Variants in PINX1 observed in about 807,000 individuals in gnomAD.
The protein encoded by PINX1 is PIN2/TERF1-interacting telomerase inhibitor 1.
In PINX1, 34 loss-of-function variants were observed where a neutral mutation model predicts 25.4. The observed-to-expected ratio is 1.34, with a 90% CI of 1.02 to 1.78. The LOEUF is 1.78. Ranked by LOEUF, PINX1 falls within the 40% of genes most tolerant of loss-of-function variation. The pLI is 0.00. For missense variants in PINX1, 592 were observed against 404.9 expected (o/e 1.46, Z -3.97); for synonymous variants, 197 against 147.7 (o/e 1.33, Z -2.42).
intron 6 of PINX1, among the ~76,000 whole-genome samples, chr8:10,802,697 G>A (rs188438003): frequency 2.6e-4 from 39 of 152,262 alleles, no homozygotes; most frequent in Non-Finnish European, 4.4e-4. Context: ...CCTCACTTCG[G>A]TCCCATGGGA....
chr8:10,795,413 C>G (rs1344387479), intron 6 of PINX1, among the ~76,000 whole-genome samples: 2 of 152,222 alleles, frequency 1.3e-5, no homozygotes, highest in East Asian at 1.9e-4. Flanking sequence ...CTCTCTCCCC[C>G]ACACCAAGAC....
intron 2 of PINX1, 116 bp from the exon 3 acceptor site, chr8:10,833,100 C>G: frequency 3.3e-6 from 2 of 598,938 alleles, no homozygotes; most frequent in Non-Finnish European, 5.9e-6. Flanking sequence ...ATGATTCTCT[C>G]CATTAAATAC....
chr8:10,829,177 T>G (rs1028169294), intron 4 of PINX1, among the ~76,000 whole-genome samples: 9 of 150,322 alleles, frequency 6.0e-5, no homozygotes, highest in Non-Finnish European at 1.5e-5. Context: ...TCCCAGCTAC[T>G]CAGGAGGCTG....
At chr8:10,798,072 G>C (rs560532939) in intron 6 of PINX1, among the ~76,000 whole-genome samples, 4 of 152,338 alleles carry the variant, frequency 2.6e-5, no homozygotes, top group African/African-American at 9.6e-5. Flanking sequence ...AATAGACGGG[G>C]AGACAGATTC....
intron 6 of PINX1, among the ~76,000 whole-genome samples, chr8:10,793,014 C>G (rs1359623668): frequency 6.6e-6 from 1 of 152,128 alleles, no homozygotes; most frequent in Non-Finnish European, 1.5e-5. Context: ...TTGCTAGATC[C>G]TGCTCCAAAT....
chr8:10,798,049 A>AGGT (rs1802144887), intron 6 of PINX1, among the ~76,000 whole-genome samples: 1 of 152,264 alleles, frequency 6.6e-6, no homozygotes, highest in Admixed American at 6.5e-5. Context: ...TAACAGCTAC[A>AGGT]CTAGAAGTGA....
At chr8:10,779,030 T>C (rs547682050) in intron 6 of PINX1, among the ~76,000 whole-genome samples, 6 of 152,244 alleles carry the variant, frequency 3.9e-5, no homozygotes, top group Non-Finnish European at 8.8e-5. Flanking sequence ...GGAATGTCTG[T>C]TCCTAGGTTT....
intron 2 of PINX1, chr8:10,834,395 G>T (rs1025845094): frequency 1.0e-5 from 4 of 399,346 alleles, no homozygotes; most frequent in Admixed American, 8.4e-5. Context: ...GGCTCTACTG[G>T]AGTCAAGAAT....
chr8:10,773,885 G>A (rs1377550228), intron 6 of PINX1, among the ~76,000 whole-genome samples: 3 of 152,320 alleles, frequency 2.0e-5, no homozygotes, highest in Admixed American at 1.3e-4. Flanking sequence ...AAGCTGCAGT[G>A]ACAAACTTTC....
intron 6 of PINX1, among the ~76,000 whole-genome samples, chr8:10,800,447 TA>T (rs1475108067): frequency 3.9e-5 from 6 of 152,070 alleles, no homozygotes; most frequent in African/African-American, 1.4e-4. Flanking sequence ...GGAGTTTATT[TA>T]CATGATCTGA....
At chr8:10,823,312 C>G (rs946897339) in intron 5 of PINX1, among the ~76,000 whole-genome samples, 2 of 152,124 alleles carry the variant, frequency 1.3e-5, no homozygotes, top group Admixed American at 1.3e-4. Flanking sequence ...ATTAAGAAGT[C>G]TGCAAGATTC....
At chr8:10,766,516 A>AG (rs1801053787) in intron 6 of PINX1, among the ~76,000 whole-genome samples, 1 of 152,176 alleles carries the variant, frequency 6.6e-6, no homozygotes, top group Admixed American at 6.5e-5. Context: ...CTGCTCCTGA[A>AG]GGGAGGGCAG....
rs539954017 is a variant in PINX1, at chr8:10,827,757, A to G, written c.302-1513T>C. On this transcript the variant is annotated intron_variant, in intron 4 of 6. Coordinates refer to ENST00000314787, the MANE Select transcript of PINX1 (RefSeq NM_017884.6). Reference sequence around the variant, plus strand: ...CCGTCTCTACTAAAAATACAAAAAAAAAAATTAGCCGGGCGTGGTGGCGGG... The same window carrying G: ...CCGTCTCTACTAAAAATACAAAAAAGAAAATTAGCCGGGCGTGGTGGCGGG... 2.0e-5 allele frequency among the ~76,000 whole-genome samples: 3 copies of G among 151,686 alleles called. No homozygotes were observed. In the South Asian group the frequency reaches 6.3e-4, roughly 32 times the overall value.
intron 6 of PINX1, among the ~76,000 whole-genome samples, chr8:10,806,244 C>T (rs1248142487): frequency 2.0e-5 from 3 of 152,146 alleles, no homozygotes; most frequent in South Asian, 2.1e-4. Flanking sequence ...ATCTCCTTCA[C>T]TGCACAGTGG....
chr8:10,768,083 C>A (rs1801113432), intron 6 of PINX1, among the ~76,000 whole-genome samples: 1 of 129,402 alleles, frequency 7.7e-6, no homozygotes, highest in Non-Finnish European at 1.7e-5. Context: ...CACAAAGAGA[C>A]AGGCTCGGTG....
At chr8:10,838,166 A>C (rs1235025824) in intron 1 of PINX1, among the ~76,000 whole-genome samples, 1 of 152,242 alleles carries the variant, frequency 6.6e-6, no homozygotes, top group Non-Finnish European at 1.5e-5. Context: ...AGGCTGCCCA[A>C]TTCTTGAATC....
chr8:10,806,977 A>C (rs973057312), intron 6 of PINX1, among the ~76,000 whole-genome samples: 1 of 152,216 alleles, frequency 6.6e-6, no homozygotes, highest in Non-Finnish European at 1.5e-5. Context: ...CTGCCTCTGC[A>C]AACAGCTTCC....
rs772463618 is a variant in PINX1, at chr8:10,765,449, T to C, written c.939A>G (p.Thr313=). Residue 313 remains threonine, a synonymous_variant, in exon 7 of 7, where the codon ACA becomes ACG. Transcript: ENST00000314787. ...TCTTTTTCACTAGCGTTTCTTCTAG[T>C]GTAGCGTCCTCTGCTATCTCTACTG... ...QKPVEIAEDA[T]LEETLVKKKK... The C allele has an allele frequency of 6.2e-7, 1 of 1,612,018 alleles. No homozygotes were observed. Among genetic ancestry groups the C allele is most frequent in the African/African-American group, 1.3e-5 (1 of 74,876 alleles).
chr8:10,837,927 T>C (rs943386008), intron 1 of PINX1, among the ~76,000 whole-genome samples: 3 of 152,182 alleles, frequency 2.0e-5, no homozygotes, highest in African/African-American at 7.2e-5. Context: ...CGTTAGAACT[T>C]AAAGGAAGCG....
Sources: allele counts gnomAD v4.1 joint callset (sites outside exome capture counted in the v4.1 genomes callset), GRCh38; gene constraint gnomAD v4.1.1; transcripts MANE v1.5; gene names NCBI Gene and HGNC (gene_info 2026-07-23, HGNC 2026-07-21).